RASSF8: variants seen among roughly 807,000 people sequenced by gnomAD.
The protein encoded by RASSF8 is Ras association domain family member 8, also known as ras association domain-containing protein 8.
A neutral mutation model predicts 48.5 loss-of-function variants in RASSF8; 22 were observed. That is an observed-to-expected ratio of 0.45 (90% CI 0.32 to 0.65). RASSF8 has a LOEUF of 0.65. Among genes scored for constraint, RASSF8 ranks in the 30% least tolerant of loss-of-function variants. The pLI is 0.03. For synonymous variants in RASSF8, 127 were observed against 171.5 expected (o/e 0.74, Z 2.03); for missense variants, 418 against 489.2 (o/e 0.85, Z 1.37).
At chr12:25,982,015 G>A (rs954195693) in intron 1 of RASSF8, among the ~76,000 whole-genome samples, 2 of 152,120 alleles carry the variant, frequency 1.3e-5, no homozygotes, top group Admixed American at 6.5e-5. Context: ...TAAAAAGCAC[G>A]TTTTCAGACA....
intron 2 of RASSF8, among the ~76,000 whole-genome samples, chr12:26,018,714 T>C: frequency 6.6e-6 from 1 of 152,146 alleles, no homozygotes. Flanking sequence ...CCAGGGATAA[T>C]TACCTGCCCA....
chr12:25,972,357 A>G (rs1301897524), intron 1 of RASSF8, among the ~76,000 whole-genome samples: 1 of 152,118 alleles, frequency 6.6e-6, no homozygotes, highest in East Asian at 1.9e-4. Flanking sequence ...TAAATATTAT[A>G]TAAGCTATAA....
chr12:25,967,026 T>C (rs1205711016), intron 1 of RASSF8, among the ~76,000 whole-genome samples: 1 of 152,250 alleles, frequency 6.6e-6, no homozygotes, highest in Non-Finnish European at 1.5e-5. Flanking sequence ...GACTATTCTT[T>C]CTCCATTGAA....
chr12:26,013,153 A>G (rs563145170), intron 2 of RASSF8, among the ~76,000 whole-genome samples: 1 of 152,198 alleles, frequency 6.6e-6, no homozygotes, highest in Non-Finnish European at 1.5e-5. Flanking sequence ...AGTCCTGCCC[A>G]ATAACAATAA....
chr12:26,059,873 C>CACAAT (rs1491276945), intron 3 of RASSF8, among the ~76,000 whole-genome samples: 1 of 152,174 alleles, frequency 6.6e-6, no homozygotes, highest in Non-Finnish European at 1.5e-5. Context: ...ACGTAACCAG[C>CACAAT]ACAATGCCCA....
At chr12:25,984,283 T>C (rs2136920410) in intron 1 of RASSF8, among the ~76,000 whole-genome samples, 1 of 150,814 alleles carries the variant, frequency 6.6e-6, no homozygotes, top group South Asian at 2.1e-4. Flanking sequence ...CTTGTTATGT[T>C]GCCCAGACTG....
At chr12:25,997,236 G>T (rs1465664777) in intron 2 of RASSF8, among the ~76,000 whole-genome samples, 1 of 152,086 alleles carries the variant, frequency 6.6e-6, no homozygotes. Context: ...GTTCTAGATA[G>T]GACCGTAATC....
At chr12:26,003,224 A>C (rs1489499295) in intron 2 of RASSF8, among the ~76,000 whole-genome samples, 2 of 152,068 alleles carry the variant, frequency 1.3e-5, no homozygotes, top group African/African-American at 4.8e-5. Flanking sequence ...TATGGTTTTT[A>C]TCCTTGATTT....
intron 2 of RASSF8, among the ~76,000 whole-genome samples, chr12:25,996,116 A>C (rs1260847452): frequency 1.3e-5 from 2 of 152,218 alleles, no homozygotes; most frequent in Non-Finnish European, 2.9e-5. Context: ...TGCTTACAGC[A>C]TTAGCAAAAA....
At chr12:25,984,432 TC>T (rs1306532240) in intron 1 of RASSF8, among the ~76,000 whole-genome samples, 1 of 151,862 alleles carries the variant, frequency 6.6e-6, no homozygotes, top group Non-Finnish European at 1.5e-5. Flanking sequence ...AACCTCTTCC[TC>T]CCCGGTTCAG....
chr12:25,985,637 A>C (rs1417050140), intron 1 of RASSF8, among the ~76,000 whole-genome samples: 1 of 152,254 alleles, frequency 6.6e-6, no homozygotes, highest in East Asian at 1.9e-4. Context: ...GTGTTTTCTC[A>C]TAAAAATATT....
chr12:26,076,306 T>A (rs1251284789), downstream of RASSF8, among the ~76,000 whole-genome samples: 2 of 152,130 alleles, frequency 1.3e-5, no homozygotes. Flanking sequence ...AGGGTACATG[T>A]GCACAACGTG....
intron 1 of RASSF8, among the ~76,000 whole-genome samples, chr12:25,986,854 T>G: frequency 6.6e-6 from 1 of 152,354 alleles, no homozygotes; most frequent in African/African-American, 2.4e-5. Flanking sequence ...TATGGATTCG[T>G]ACACACTGTC....
intron 2 of RASSF8, among the ~76,000 whole-genome samples, chr12:26,029,495 G>A (rs894410746): frequency 2.6e-5 from 4 of 152,114 alleles, no homozygotes; most frequent in African/African-American, 9.7e-5. Context: ...ATATGTTTAT[G>A]TTTTGTCACT....
At chr12:26,035,055 T>A (rs774345825) in intron 2 of RASSF8, among the ~76,000 whole-genome samples, 3 of 152,172 alleles carry the variant, frequency 2.0e-5, no homozygotes, top group Non-Finnish European at 2.9e-5. Flanking sequence ...TAGACGTTTT[T>A]CCAGTTGTCC....
chr12:26,062,800 C>T (rs933627512), intron 3 of RASSF8, among the ~76,000 whole-genome samples: 2 of 152,172 alleles, frequency 1.3e-5, no homozygotes, highest in Non-Finnish European at 2.9e-5. Context: ...CTAGCTACCA[C>T]GTGTTGAATG....
At chr12:26,035,875 TTA>T (rs71435687) in intron 2 of RASSF8, among the ~76,000 whole-genome samples, 9,527 of 145,438 alleles carry the variant, frequency 0.066, 687 homozygotes, top group East Asian at 0.26. Flanking sequence ...AAATTATATA[TTA>T]TATATTATAT....
intron 4 of RASSF8, 125 bp downstream of exon 4, chr12:26,065,512 C>T: frequency 7.8e-7 from 1 of 1,279,782 alleles, no homozygotes; most frequent in South Asian, 1.7e-5. Context: ...TTGTTTAAAA[C>T]TTTTGTCGAA....
At position 26,070,964 on chromosome 12, in the gene RASSF8, G is replaced by A. The variant is rs1943986914; in HGVS notation, c.*2146G>A. On this transcript the variant is annotated 3_prime_UTR_variant, in exon 6 of 6. Transcript: ENST00000689635. The stretch of plus-strand genomic sequence containing the variant: ...ATCCTAGCAACTTGTAGTAGTCTTG[G>A]GTTCCCAGCAGAGTATCACAGTTAA... 8 of 984,438 alleles carry A rather than the reference G, an allele frequency of 8.1e-6. 1 individual carries two copies. The South Asian group carries it at 3.8e-4, about 46-fold the overall frequency. The allele number at this position is 984,438 out of a possible 1,614,324, so 61.0% of individuals were successfully genotyped here.
Sources: gnomAD v4.1 joint callset for allele counts (sites outside exome capture counted in the v4.1 genomes callset) on GRCh38, gnomAD v4.1.1 for gene constraint, MANE v1.5 for transcripts, NCBI Gene and HGNC (gene_info 2026-07-23, HGNC 2026-07-21) for gene names.